ANO1: variants seen among roughly 807,000 people sequenced by gnomAD.
ANO1 encodes anoctamin-1.
ANO1 carries 59 observed loss-of-function variants against 124.0 expected under a neutral mutation model. That is an observed-to-expected ratio of 0.48 (90% confidence interval 0.39 to 0.59). ANO1 has a LOEUF of 0.59. Among genes scored for constraint, ANO1 ranks in the 20% least tolerant of loss-of-function variants. The pLI is 0.00. For synonymous variants in ANO1, 529 were observed against 532.0 expected (o/e 0.99, Z 0.08); for missense variants, 1,059 against 1,328.0 (o/e 0.80, Z 3.15).
At chr11:70,175,197 C>A (rs1222552901) in intron 22 of ANO1, among the ~76,000 whole-genome samples, 1 of 152,276 alleles carries the variant, frequency 6.6e-6, no homozygotes, top group Non-Finnish European at 1.5e-5. Context: ...TCCCCACCAG[C>A]AGCAGGCCTT....
chr11:70,188,312 T>C lies in ANO1; in HGVS notation c.*308T>C. The stretch of plus-strand genomic sequence containing the variant: ...TTTGCAGAAAGAATGCTTGGAAACT[T>C]GAGTCTCCCTAGAGGTGAAAAGTGA... On this transcript the variant is annotated 3_prime_UTR_variant, in exon 26 of 26. Transcript: ENST00000355303. The C allele has an allele frequency of 2.4e-6, 1 of 415,862 alleles. No homozygotes were observed. Among genetic ancestry groups the C allele is most frequent in the Non-Finnish European group, 4.4e-6 (1 of 228,146 alleles). 25.8% of individuals were successfully genotyped at this position (415,862 alleles called of 1,614,324 possible). A position where few individuals can be genotyped will look rare whatever the true frequency, so the allele number is the denominator to read the frequency against.
intron 10 of ANO1, 24 bp from the exon 11 acceptor site, chr11:70,131,895 C>A (rs1191792546): frequency 1.9e-6 from 3 of 1,595,214 alleles, no homozygotes; most frequent in African/African-American, 1.3e-5. Flanking sequence ...CAAGGTGACT[C>A]CAGGGCTGCC....
intron 1 of ANO1, among the ~76,000 whole-genome samples, chr11:70,080,083 C>T (rs1252002599): frequency 4.6e-5 from 7 of 152,272 alleles, no homozygotes; most frequent in Non-Finnish European, 1.0e-4. Context: ...GGGAAGGCTC[C>T]GCCCATCTGG....
chr11:70,108,784 A>G (rs1379492802), intron 6 of ANO1, among the ~76,000 whole-genome samples: 1 of 152,176 alleles, frequency 6.6e-6, no homozygotes, highest in East Asian at 1.9e-4. Flanking sequence ...CGGCATCTCC[A>G]TGTGGCTGTT....
chr11:70,163,389 G>A (rs374970212), intron 19 of ANO1, 49 bp downstream of exon 19: 45 of 1,600,792 alleles, frequency 2.8e-5, no homozygotes, highest in Middle Eastern at 1.7e-4. Flanking sequence ...TCTTGCTTAC[G>A]ATTTGTCTAC....
chr11:69,998,728 ACCTG>A (rs1856323735), intron 1 of ANO1, among the ~76,000 whole-genome samples: 2 of 152,078 alleles, frequency 1.3e-5, no homozygotes, highest in African/African-American at 4.8e-5. Context: ...CAGGTGGTTC[ACCTG>A]AGGTCAGGAG....
chr11:70,087,653 AGT>A, intron 1 of ANO1, 97 bp from the exon 2 acceptor site: 1 of 1,188,284 alleles, frequency 8.4e-7, no homozygotes, highest in Non-Finnish European at 1.1e-6. Context: ...TTGTTGAACG[AGT>A]GAGTGAGGAG....
intron 1 of ANO1, among the ~76,000 whole-genome samples, chr11:70,037,105 A>C (rs567665650): frequency 6.6e-6 from 1 of 152,090 alleles, no homozygotes; most frequent in Non-Finnish European, 1.5e-5. Context: ...ATCTTCCCTA[A>C]CACAGAAGTC....
At chr11:70,153,014 C>G in intron 13 of ANO1, 43 bp from the exon 14 acceptor site, 1 of 1,555,226 alleles carries the variant, frequency 6.4e-7, no homozygotes. Context: ...AGCTCAGACT[C>G]AAAATTAACA....
At chr11:69,982,277 T>A (rs959907204), upstream of ANO1, among the ~76,000 whole-genome samples, 22 of 152,204 alleles carry the variant, frequency 1.4e-4, no homozygotes, top group Non-Finnish European at 2.9e-4. Context: ...ATGCCCCACC[T>A]GAACCTGCTA....
chr11:70,067,732 C>G (rs182325677), intron 1 of ANO1, among the ~76,000 whole-genome samples: 1 of 152,194 alleles, frequency 6.6e-6, no homozygotes, highest in Non-Finnish European at 1.5e-5. Context: ...CCTTCCCAGC[C>G]TTCCCGTCCC....
intron 1 of ANO1, among the ~76,000 whole-genome samples, chr11:70,006,663 C>CTTTTTTTTTTTT (rs56851839): frequency 1.3e-4 from 12 of 88,994 alleles, no homozygotes; most frequent in African/African-American, 1.7e-4. Context: ...TTTCTTCTTT[C>CTTTTTTTTTTTT]TTTTTTTTTT....
At chr11:70,038,365 C>T (rs782403392) in intron 1 of ANO1, among the ~76,000 whole-genome samples, 15 of 152,282 alleles carry the variant, frequency 9.9e-5, no homozygotes, top group East Asian at 1.9e-4. Flanking sequence ...GGTCCCATTC[C>T]GACCAATGGA....
chr11:70,013,025 T>C (rs1555001354), intron 1 of ANO1, among the ~76,000 whole-genome samples: 2 of 152,204 alleles, frequency 1.3e-5, no homozygotes, highest in African/African-American at 4.8e-5. Flanking sequence ...GGGCAGGTGC[T>C]TTGAGAATTT....
intron 1 of ANO1, among the ~76,000 whole-genome samples, chr11:70,087,018 G>A (rs1220583291): frequency 6.6e-6 from 1 of 152,238 alleles, no homozygotes; most frequent in Non-Finnish European, 1.5e-5. Flanking sequence ...TGCACGCACA[G>A]AACCTGAGCT....
rs2047668820 is a variant in ANO1 at position 70,153,094 on chromosome 11, A to G, written c.1391A>G (p.Glu464Gly). The change falls in exon 14 of 26, where the codon GAG becomes GGG. Residue 464 changes from glutamate to glycine, a missense_variant. This residue lies in a region of ANO1 where 809 missense variants were observed against 1,094.9 expected (regional missense o/e 0.74). Transcript: ENST00000355303. ...PRAEYEARVL[E>G]KSLKKESRNK... The stretch of plus-strand genomic sequence containing the variant: ...GCTGAATACGAAGCCAGAGTCTTGG[A>G]GAAGTCTCTGAAGAAAGAGTCCAGA... 6.2e-7 allele frequency: 1 copy of G among 1,607,948 alleles called. No homozygotes were observed. Among genetic ancestry groups the G allele is most frequent in the Non-Finnish European group, 8.5e-7 (1 of 1,177,126 alleles).
At chr11:70,142,186 G>A (rs1349575261) in intron 11 of ANO1, among the ~76,000 whole-genome samples, 1 of 152,238 alleles carries the variant, frequency 6.6e-6, no homozygotes, top group African/African-American at 2.4e-5. Context: ...TTAACTGCTT[G>A]TCAGTTCCAC....
intron 1 of ANO1, among the ~76,000 whole-genome samples, chr11:69,994,340 G>A (rs541221382): frequency 1.4e-4 from 22 of 151,954 alleles, no homozygotes; most frequent in African/African-American, 2.7e-4. Context: ...GTGTTCATTC[G>A]CCTCTCCCTG....
chr11:70,072,394 A>G (rs560325435), intron 1 of ANO1: 1 of 152,392 alleles, frequency 6.6e-6, no homozygotes, highest in East Asian at 1.9e-4. Context: ...GTGAAGGCAC[A>G]ATGAAGTGAA....
Sources: gnomAD v4.1 joint callset for allele counts (sites outside exome capture counted in the v4.1 genomes callset) on GRCh38, gnomAD v4.1.1 for gene constraint, gnomAD v4.1.1 regional missense constraint, MANE v1.5 for transcripts, NCBI Gene and HGNC (gene_info 2026-07-23, HGNC 2026-07-21) for gene names.